WDR64: variants seen among roughly 807,000 people sequenced by gnomAD.
WDR64 encodes WD repeat-containing protein 64.
In WDR64, 112 loss-of-function variants were observed where a neutral mutation model predicts 139.3. The observed-to-expected ratio is 0.80, with a 90% CI of 0.69 to 0.94. The LOEUF is 0.94. Among genes scored for constraint, WDR64 ranks in the 40% least tolerant of loss-of-function variants. The pLI is 0.00. For missense variants in WDR64, 1,206 were observed against 1,293.1 expected, an observed-to-expected ratio of 0.93 and a Z score of 1.03; for synonymous variants, 444 against 437.7, an observed-to-expected ratio of 1.01 and a Z score of -0.18.
At chr1:241,745,841 C>T (rs559018207) in intron 13 of WDR64, among the ~76,000 whole-genome samples, 4 of 152,250 alleles carry the variant, frequency 2.6e-5, no homozygotes, top group African/African-American at 9.6e-5. Flanking sequence ...CTGGTCTCCT[C>T]GCATTACTAC....
intron 9 of WDR64, among the ~76,000 whole-genome samples, chr1:241,714,938 C>T (rs1668344173): frequency 6.6e-6 from 1 of 152,120 alleles, no homozygotes; most frequent in South Asian, 2.1e-4. Flanking sequence ...TAAAGAACTG[C>T]CTGTTCACAG....
intron 3 of WDR64, among the ~76,000 whole-genome samples, chr1:241,672,019 A>C (rs987455212): frequency 6.6e-6 from 1 of 152,136 alleles, no homozygotes; most frequent in East Asian, 1.9e-4. Flanking sequence ...TACTAAAAAT[A>C]CAAAAATTAG....
At chr1:241,734,435 T>C (rs1669214296) in intron 10 of WDR64, among the ~76,000 whole-genome samples, 1 of 152,164 alleles carries the variant, frequency 6.6e-6, no homozygotes, top group Non-Finnish European at 1.5e-5. Flanking sequence ...ATCACTACTG[T>C]CTTTCCCCAA....
At chr1:241,748,640 AGT>A (rs1021703054) in intron 13 of WDR64, among the ~76,000 whole-genome samples, 2 of 152,128 alleles carry the variant, frequency 1.3e-5, no homozygotes, top group African/African-American at 4.8e-5. Flanking sequence ...TATAATTTTA[AGT>A]GTAAGAAAAA....
At chr1:241,743,006 A>AC (rs761404084) in intron 12 of WDR64, among the ~76,000 whole-genome samples, 4 of 152,156 alleles carry the variant, frequency 2.6e-5, no homozygotes, top group Non-Finnish European at 4.4e-5. Context: ...GACCCTTCAA[A>AC]TTACCTCTCA....
intron 13 of WDR64, 100 bp from the exon 14 acceptor site, chr1:241,749,447 T>C: frequency 5.1e-6 from 7 of 1,366,494 alleles, no homozygotes; most frequent in Non-Finnish European, 7.1e-6. Context: ...GGATAAATTG[T>C]TGGCAGAAAG....
chr1:241,783,707 G>T (rs565857743), intron 23 of WDR64, among the ~76,000 whole-genome samples: 1 of 152,106 alleles, frequency 6.6e-6, no homozygotes, highest in Non-Finnish European at 1.5e-5. Flanking sequence ...AGTCATAGAG[G>T]GGGGCTCAGA....
intron 9 of WDR64, among the ~76,000 whole-genome samples, chr1:241,713,517 GAA>G (rs1453403299): frequency 7.3e-5 from 8 of 108,968 alleles, no homozygotes; most frequent in African/African-American, 2.9e-4. Flanking sequence ...AAGAAAGAAA[GAA>G]AGAGAAAAAG....
chr1:241,687,422 G>A (rs1221469622), intron 7 of WDR64, 39 bp from the exon 8 acceptor site: 2 of 1,608,176 alleles, frequency 1.2e-6, no homozygotes, highest in Admixed American at 1.7e-5. Context: ...ACGTTTGTGT[G>A]TCTAACATAA....
chr1:241,785,831 A>G (rs1228140532), intron 23 of WDR64, among the ~76,000 whole-genome samples: 1 of 152,216 alleles, frequency 6.6e-6, no homozygotes, highest in Non-Finnish European at 1.5e-5. Context: ...GGGATGCAGG[A>G]CAGGTGATCA....
intron 2 of WDR64, among the ~76,000 whole-genome samples, chr1:241,670,685 G>A (rs932595367): frequency 6.6e-6 from 1 of 152,190 alleles, no homozygotes; most frequent in Non-Finnish European, 1.5e-5. Context: ...CACTGCCTGA[G>A]CTCCGCCTCC....
chr1:241,725,040 G>A (rs1189148189), intron 10 of WDR64, among the ~76,000 whole-genome samples: 1 of 151,946 alleles, frequency 6.6e-6, no homozygotes, highest in Non-Finnish European at 1.5e-5. Context: ...GCAGGGGCAG[G>A]GGGCAAAAAT....
chr1:241,717,816 T>C (rs969478208), intron 9 of WDR64, among the ~76,000 whole-genome samples: 1 of 152,160 alleles, frequency 6.6e-6, no homozygotes, highest in Non-Finnish European at 1.5e-5. Context: ...TCATATTTCA[T>C]ATATCTGTGT....
intron 15 of WDR64, among the ~76,000 whole-genome samples, chr1:241,760,412 T>C (rs1670381214): frequency 6.6e-6 from 1 of 151,162 alleles, no homozygotes; most frequent in African/African-American, 2.4e-5. Context: ...GGAAGCCTCA[T>C]CTACACCCAG....
At chr1:241,784,936 A>G (rs565542850) in intron 23 of WDR64, among the ~76,000 whole-genome samples, 70 of 129,062 alleles carry the variant, frequency 5.4e-4, no homozygotes, top group African/African-American at 1.9e-3. Flanking sequence ...CCTGGGCGAC[A>G]GAGTGAGACT....
At chr1:241,770,591 T>C (rs761964476) in intron 17 of WDR64, 30 bp from the exon 18 acceptor site, 10 of 1,544,208 alleles carry the variant, frequency 6.5e-6, no homozygotes, top group Non-Finnish European at 7.0e-6. Flanking sequence ...CTTAAAGTTT[T>C]ACCTGTGGGC....
intron 10 of WDR64, among the ~76,000 whole-genome samples, chr1:241,737,139 T>C (rs1444379641): frequency 1.3e-5 from 2 of 152,222 alleles, no homozygotes; most frequent in Non-Finnish European, 2.9e-5. Context: ...TACAAAAGGC[T>C]GAAAAGGCTC....
intron 8 of WDR64, among the ~76,000 whole-genome samples, chr1:241,710,177 C>G (rs1251857065): frequency 6.6e-6 from 1 of 152,066 alleles, no homozygotes; most frequent in Non-Finnish European, 1.5e-5. Context: ...CCCAGACCTC[C>G]TTGTCTGGGC....
chr1:241,766,429 G>T, intron 16 of WDR64, 78 bp downstream of exon 16: 2 of 1,491,122 alleles, frequency 1.3e-6, no homozygotes, highest in South Asian at 1.3e-5. Flanking sequence ...CTCAGGGAAG[G>T]GCTGGGCGCG....
Sources: allele counts gnomAD v4.1 joint callset (sites outside exome capture counted in the v4.1 genomes callset), GRCh38; gene constraint gnomAD v4.1.1; transcripts MANE v1.5; gene names NCBI Gene and HGNC (gene_info 2026-07-23, HGNC 2026-07-21).